The following BEND3 variants were observed in gnomAD, a reference collection of about 807,000 sequenced individuals.
BEND3 encodes the protein BEN domain containing 3.
In BEND3, 13 loss-of-function variants were observed where a neutral mutation model predicts 60.1. The ratio of observed to expected loss-of-function variants is 0.22; its 90% CI spans 0.14 to 0.34. The LOEUF is 0.34. Among genes scored for constraint, BEND3 ranks in the 10% least tolerant of loss-of-function variants. The pLI is 1.00. For synonymous variants in BEND3, 497 were observed against 491.5 expected (o/e 1.01, Z -0.15); for missense variants, 896 against 1,138.1 (o/e 0.79, Z 3.06).
intron 3 of BEND3, among the ~76,000 whole-genome samples, chr6:107,078,546 C>G (rs1554233040): frequency 5.5e-5 from 1 of 18,198 alleles, no homozygotes; most frequent in African/African-American, 2.3e-4. Context: ...GCTCTGCCTC[C>G]TGGGTTCATG....
At position 107,098,751 on chromosome 6, in the gene BEND3, G is replaced by A. The variant is rs1394631846; in HGVS notation, c.40C>T (p.Leu14=). The A allele has an allele frequency of 6.2e-7, 1 of 1,613,320 alleles. No homozygotes were observed. Among genetic ancestry groups the A allele is most frequent in the Admixed American group, 1.7e-5 (1 of 60,004 alleles). ...TCCACTTTCACAGTGATACTTTTTA[G>A]AACTGTGTCAGAGAAGAAATAGGGC... ...TEFTEDVEEV[L]KSITVKVETE... is the part of the protein sequence containing the mutation. Residue 14 remains leucine, a splice_region_variant and synonymous_variant, in exon 3 of 4, where the codon CTA becomes TTA. Transcript: ENST00000369042.
chr6:107,068,822 A>G lies in BEND3; in HGVS notation c.2369T>C (p.Val790Ala), dbSNP rs1774887422. The change falls in exon 4 of 4, where the codon GTG (valine) becomes GCG (alanine). Residue 790 changes from valine (V) to alanine (A), a missense_variant. By Grantham distance (64) the Val-to-Ala change is moderately conservative (BLOSUM62 0). This residue lies in a region of BEND3 where 29 missense variants were observed against 51.9 expected (regional missense o/e 0.56). Transcript: ENST00000369042. The surrounding 1 kb of genome is among the most constrained non-coding windows in gnomAD (Gnocchi z 5.8). ...IRHYVEAVYP[V>A]EKMEEVWHYE... ...GTGCCACACCTCCTCCATCTTCTCC[A>G]CCGGGTAGACGGCTTCCACGTAGTG... 1 of 1,613,948 alleles carries G rather than the reference A, an allele frequency of 6.2e-7. No homozygotes were observed. The highest frequency in any genetic ancestry group is 8.5e-7 in the Non-Finnish European group (1 of 1,180,008).
chr6:107,094,618 T>C (rs1372411051), intron 3 of BEND3, among the ~76,000 whole-genome samples: 1 of 133,006 alleles, frequency 7.5e-6, no homozygotes, highest in African/African-American at 2.9e-5. Context: ...CAAAACTCCA[T>C]CTCATAAATA....
chr6:107,099,358 T>C lies in BEND3; in HGVS notation c.-11-62A>G, dbSNP rs143655739. On this transcript the variant is annotated intron_variant, in intron 1 of 3. Transcript: ENST00000369042. Reference sequence around the variant, plus strand: ...GCTTGATTTATTTCTTAATTTTCTCTACCCACAGAAAATCCTCTTACCCTC... The same window carrying C: ...GCTTGATTTATTTCTTAATTTTCTCCACCCACAGAAAATCCTCTTACCCTC... The C allele has an allele frequency of 9.0e-5, 133 of 1,475,788 alleles. No homozygotes were observed. In the African/African-American group the frequency reaches 1.6e-3, roughly 17 times the overall value. 91.4% of individuals were successfully genotyped at this position (1,475,788 alleles called of 1,614,324 possible). A position where few individuals can be genotyped will look rare whatever the true frequency, so the allele number is the denominator to read the frequency against.
At chr6:107,074,051 G>C (rs542556452) in intron 3 of BEND3, among the ~76,000 whole-genome samples, 1 of 152,184 alleles carries the variant, frequency 6.6e-6, no homozygotes, top group African/African-American at 2.4e-5. Flanking sequence ...TGTCCCACAG[G>C]GTGGTTGTGA....
intron 1 of BEND3, chr6:107,114,317 G>T (rs1287862916): frequency 5.3e-5 from 8 of 152,138 alleles, no homozygotes; most frequent in African/African-American, 1.9e-4. Context: ...CCTCGCGCCA[G>T]CCCGGGTGCA....
intron 3 of BEND3, among the ~76,000 whole-genome samples, chr6:107,077,315 A>G (rs1775120516): frequency 6.6e-6 from 1 of 152,148 alleles, no homozygotes; most frequent in Non-Finnish European, 1.5e-5. Context: ...GGCTGCACTA[A>G]GTTGCCTATG....
At chr6:107,094,663 T>TAAAA (rs869270248) in intron 3 of BEND3, among the ~76,000 whole-genome samples, 11 of 128,662 alleles carry the variant, frequency 8.5e-5, no homozygotes, top group Admixed American at 3.2e-4. Context: ...AATAAATAAA[T>TAAAA]AAAACGAACA....
chr6:107,111,309 G>C (rs1270224111), intron 1 of BEND3, among the ~76,000 whole-genome samples: 1 of 152,000 alleles, frequency 6.6e-6, no homozygotes, highest in Non-Finnish European at 1.5e-5. Context: ...TCAGGAGTTT[G>C]AGACCAGCCT....
At chr6:107,085,609 A>G (rs1330503456) in intron 3 of BEND3, among the ~76,000 whole-genome samples, 1 of 151,138 alleles carries the variant, frequency 6.6e-6, no homozygotes, top group Admixed American at 6.6e-5. Context: ...CTCCTGCCTC[A>G]GCCTCCTGAG....
chr6:107,092,668 C>A (rs7773608), intron 3 of BEND3, among the ~76,000 whole-genome samples: 2 of 151,792 alleles, frequency 1.3e-5, no homozygotes, highest in African/African-American at 4.8e-5. Context: ...TATACTATCG[C>A]GAAGGAAAAA....
At chr6:107,085,196 G>C (rs552154456) in intron 3 of BEND3, among the ~76,000 whole-genome samples, 1 of 152,178 alleles carries the variant, frequency 6.6e-6, no homozygotes, top group Non-Finnish European at 1.5e-5. Context: ...CCCACCGGAA[G>C]GAACTCCCAA....
At chr6:107,106,120 GAACTT>G (rs1231367771) in intron 1 of BEND3, 1 of 152,196 alleles carries the variant, frequency 6.6e-6, no homozygotes, top group African/African-American at 2.4e-5. Flanking sequence ...TGATTTCAAG[GAACTT>G]CTCTGCTACA....
chr6:107,081,192 G>A (rs1270122343), intron 3 of BEND3, among the ~76,000 whole-genome samples: 1 of 151,326 alleles, frequency 6.6e-6, no homozygotes, highest in Non-Finnish European at 1.5e-5. Flanking sequence ...ACAGGCATGA[G>A]TCACAGCGCC....
rs1774881208 is a variant in BEND3 at position 107,068,596 on chromosome 6, G to A, written c.*108C>T. The A allele has an allele frequency of 1.6e-6, 2 of 1,224,376 alleles. No individual in the cohort carries two copies. The highest frequency in any genetic ancestry group is 1.5e-5 in the South Asian group (1 of 66,866). The allele number at this position is 1,224,376 out of a possible 1,614,324, so 75.8% of individuals were successfully genotyped here. A position where few individuals can be genotyped will look rare whatever the true frequency, so the allele number is the denominator to read the frequency against. ...GTAAGCCACTCCCCACGGACATAAG[G>A]TGCCTGTCTGTGGATGCCATAGGCG... On this transcript the variant is annotated 3_prime_UTR_variant, in exon 4 of 4. Transcript: ENST00000369042. The surrounding 1 kb of genome is among the most constrained non-coding windows in gnomAD (Gnocchi z 5.8).
chr6:107,086,115 C>T (rs140730606), intron 3 of BEND3, among the ~76,000 whole-genome samples: 6 of 152,244 alleles, frequency 3.9e-5, no homozygotes, highest in South Asian at 2.1e-4. Flanking sequence ...GCTTGCCCTC[C>T]GGAGAACTAT....
chr6:107,074,270 T>C lies in BEND3; in HGVS notation c.241-3320A>G, dbSNP rs367685099. ...ATCTCTACTAAAAATACAAAATTAGTTGGGTGTGGTGGCGCGTGCTTGTAA... is the reference window on the plus strand; with the variant it reads ...ATCTCTACTAAAAATACAAAATTAGCTGGGTGTGGTGGCGCGTGCTTGTAA... On this transcript the variant is annotated intron_variant, in intron 3 of 3. Coordinates refer to ENST00000369042, the MANE Select transcript of BEND3 (RefSeq NM_001367314.1). Among the ~76,000 whole-genome samples, 35 of 151,656 alleles carry C rather than the reference T, an allele frequency of 2.3e-4. No homozygotes were observed. In the East Asian group the frequency reaches 6.3e-3, roughly 27 times the overall value.
chr6:107,086,077 G>A (rs975785906), intron 3 of BEND3, among the ~76,000 whole-genome samples: 5 of 152,196 alleles, frequency 3.3e-5, no homozygotes, highest in East Asian at 1.9e-4. Flanking sequence ...ATGAGCCACC[G>A]CGCCTGGCCG....
At chr6:107,086,375 A>G (rs1367649387) in intron 3 of BEND3, among the ~76,000 whole-genome samples, 1 of 151,850 alleles carries the variant, frequency 6.6e-6, no homozygotes, top group Non-Finnish European at 1.5e-5. Flanking sequence ...CCAGCACCCC[A>G]GGAGGCCGAG....
Sources: gnomAD v4.1 joint callset for allele counts (sites outside exome capture counted in the v4.1 genomes callset) on GRCh38, gnomAD v4.1.1 for gene constraint, gnomAD v4.1.1 regional missense constraint, Gnocchi (gnomAD v3.1) non-coding constraint, MANE v1.5 for transcripts, NCBI Gene and HGNC (gene_info 2026-07-23, HGNC 2026-07-21) for gene names.